Variants in FANCM observed in about 807,000 individuals in gnomAD.
The protein encoded by FANCM is FA complementation group M.
In FANCM, 140 loss-of-function variants were observed where a neutral mutation model predicts 199.5. The ratio of observed to expected loss-of-function variants is 0.70; its 90% CI spans 0.61 to 0.81. FANCM has a LOEUF of 0.81. Among genes scored for constraint, FANCM ranks in the 30% least tolerant of loss-of-function variants. The probability of loss-of-function intolerance (pLI) is 0.00; values close to 1 mark genes in which losing one functional copy is unlikely to be tolerated. For synonymous variants in FANCM, 840 were observed against 836.8 expected, an observed-to-expected ratio of 1.00 and a Z score of -0.07; for missense variants, 2,410 against 2,421.4, an observed-to-expected ratio of 1.00 and a Z score of 0.10.
chr14:45,196,196 A>G lies in FANCM; in HGVS notation c.5365A>G (p.Ser1789Gly), dbSNP rs1434227704. ...GGATGGTAGTGCTTTGGAGGATTCT[A>G]GCACTTCAGGGGCATCCTGTTCCAA... ...QKDGSALEDS[S>G]TSGASCSKSR... The change falls in exon 21 of 23, where the codon AGC becomes GGC. Residue 1789 changes from serine (S) to glycine (G), a missense_variant. Coordinates refer to ENST00000267430, the MANE Select transcript of FANCM (RefSeq NM_020937.4). 1 of 1,614,180 alleles carries G rather than the reference A, an allele frequency of 6.2e-7. No individual in the cohort carries two copies. Among genetic ancestry groups the G allele is most frequent in the Non-Finnish European group, 8.5e-7 (1 of 1,180,000 alleles).
At chr14:45,195,849 C>T (rs1758432145) in intron 20 of FANCM, among the ~76,000 whole-genome samples, 1 of 152,062 alleles carries the variant, frequency 6.6e-6, no homozygotes, top group South Asian at 2.1e-4. Context: ...AAGGTTATTT[C>T]ACCTTCCATT....
At position 45,176,774 on chromosome 14, in the gene FANCM, A is replaced by G; in HGVS notation, c.4020A>G (p.Pro1340=). 6.2e-7 allele frequency: 1 copy of G among 1,611,220 alleles called. No individual in the cohort carries two copies. The highest frequency in any genetic ancestry group is 8.5e-7 in the Non-Finnish European group (1 of 1,178,552). The change falls in exon 14 of 23, where the codon CCA becomes CCG. Residue 1340 remains proline (P), a synonymous_variant. Coordinates refer to ENST00000267430, the MANE Select transcript of FANCM (RefSeq NM_020937.4). ...TGCAAAAAAAAGTTATGAGTACACC[A>G]CTCTCTAAATCAAACACATTGAACT... ...LPVQKKVMST[P]LSKSNTLNSF...
chr14:45,169,818 A>G (rs559227557), intron 11 of FANCM, among the ~76,000 whole-genome samples: 1 of 152,366 alleles, frequency 6.6e-6, no homozygotes, highest in East Asian at 1.9e-4. Flanking sequence ...GAAGCTGAAA[A>G]GAATGAATAT....
At chr14:45,148,001 G>C (rs908400910) in intron 3 of FANCM, among the ~76,000 whole-genome samples, 9 of 151,874 alleles carry the variant, frequency 5.9e-5, no homozygotes, top group African/African-American at 1.7e-4. Context: ...TTCGAGACCA[G>C]CCTGGCCAAC....
At chr14:45,171,504 A>C (rs927357459) in intron 12 of FANCM, among the ~76,000 whole-genome samples, 4 of 152,086 alleles carry the variant, frequency 2.6e-5, no homozygotes, top group Non-Finnish European at 4.4e-5. Context: ...TCCACGACAG[A>C]GTCCATTATA....
chr14:45,152,241 G>C (rs948924275), intron 5 of FANCM, among the ~76,000 whole-genome samples: 3 of 151,978 alleles, frequency 2.0e-5, no homozygotes, highest in African/African-American at 7.2e-5. Flanking sequence ...TGTTGGCCGG[G>C]CTGGTCTCGA....
chr14:45,156,791 G>A (rs1887219976), intron 8 of FANCM, among the ~76,000 whole-genome samples: 1 of 151,874 alleles, frequency 6.6e-6, no homozygotes, highest in Non-Finnish European at 1.5e-5. Flanking sequence ...GGTGGTATGT[G>A]CCTGTAGTCT....
Position 45,167,089 on chromosome 14 carries a change from C to G in FANCM, c.1928C>G (p.Thr643Arg). 6.2e-7 allele frequency: 1 copy of G among 1,613,328 alleles called. No homozygotes were observed. ...CCAAAATTACACAAAATGTTCATCA[C>G]ACATGGTGTCTATGAACCAGAGAAG... ...INPKLHKMFI[T>R]HGVYEPEKPS... Residue 643 changes from threonine (T) to arginine (R), a missense_variant, in exon 11 of 23, where the codon ACA (threonine) becomes AGA (arginine). Thr to Arg is a moderately conservative substitution (Grantham distance 71, BLOSUM62 -1). Transcript: ENST00000267430.
intron 2 of FANCM, 37 bp from the exon 3 acceptor site, chr14:45,140,595 T>C (rs1183733207): frequency 1.8e-6 from 2 of 1,102,376 alleles, no homozygotes; most frequent in East Asian, 2.4e-5. Flanking sequence ...ATTTTTGCAT[T>C]GAACAGATGA....
At chr14:45,154,325 C>T (rs555334829) in intron 6 of FANCM, among the ~76,000 whole-genome samples, 5 of 151,030 alleles carry the variant, frequency 3.3e-5, no homozygotes, top group Non-Finnish European at 7.4e-5. Flanking sequence ...CGCTTGAACC[C>T]GAGAGGCAGA....
chr14:45,186,475 A>G (rs1889407656), intron 18 of FANCM, among the ~76,000 whole-genome samples: 1 of 152,228 alleles, frequency 6.6e-6, no homozygotes, highest in African/African-American at 2.4e-5. Context: ...TCAGTATTCT[A>G]ATCTTTCACA....
chr14:45,162,376 A>T (rs566601718), intron 9 of FANCM, among the ~76,000 whole-genome samples: 1 of 152,324 alleles, frequency 6.6e-6, no homozygotes, highest in African/African-American at 2.4e-5. Context: ...CAAACTATTG[A>T]AACTGGTAGA....
At chr14:45,151,012 T>C (rs1886780219) in intron 4 of FANCM, among the ~76,000 whole-genome samples, 1 of 152,228 alleles carries the variant, frequency 6.6e-6, no homozygotes, top group African/African-American at 2.4e-5. Context: ...TCTACAAATA[T>C]CTGCTGAGGA....
chr14:45,167,635 T>C (rs973563532), intron 11 of FANCM, among the ~76,000 whole-genome samples: 3 of 152,200 alleles, frequency 2.0e-5, no homozygotes, highest in Non-Finnish European at 2.9e-5. Context: ...CTTCATAGTT[T>C]ATCCCATATT....
At chr14:45,157,911 T>C (rs150343407) in intron 8 of FANCM, among the ~76,000 whole-genome samples, 344 of 152,212 alleles carry the variant, frequency 2.3e-3, no homozygotes, top group African/African-American at 8.0e-3. Context: ...TAAAAATCAG[T>C]AGAGGTTGGA....
At position 45,136,429 on chromosome 14, in the gene FANCM, C is replaced by T. The variant is rs139382920; in HGVS notation, c.398C>T (p.Pro133Leu). ...VVMYNFYRWF[P>L]SGKVVFMAPT... ...ATGTACAATTTCTACCGCTGGTTCC[C>T]TTCAGGAAAGGTGGTCTTCATGGCC... Residue 133 changes from proline (P) to leucine (L), a missense_variant, in exon 1 of 23, where the codon CCT becomes CTT. By Grantham distance (98) the Pro-to-Leu change is moderately conservative. Transcript: ENST00000267430. 1 of 1,614,200 alleles carries T rather than the reference C, an allele frequency of 6.2e-7. No individual in the cohort carries two copies. The highest frequency in any genetic ancestry group is 2.2e-5 in the East Asian group (1 of 44,880).
chr14:45,185,300 G>C lies in FANCM; in HGVS notation c.4599G>C (p.Glu1533Asp). The C allele has an allele frequency of 1.9e-6, 3 of 1,596,772 alleles. No homozygotes were observed. The highest frequency in any genetic ancestry group is 1.1e-5 in the South Asian group (1 of 89,460). Residue 1533 changes from glutamate (E) to aspartate (D), a missense_variant, in exon 18 of 23, where the codon GAG becomes GAC. Physicochemically the swap from Glu to Asp is conservative, Grantham distance 45 (BLOSUM62 2). Transcript: ENST00000267430. ...AEYVSSDEND[E>D]SENEQDSSLL... Reference sequence around the variant, plus strand: ...ATGTTTCATCAGATGAAAATGATGAGTCAGAAAATGAACAAGATTCCTCAT... The same window carrying C: ...ATGTTTCATCAGATGAAAATGATGACTCAGAAAATGAACAAGATTCCTCAT...
At chr14:45,187,959 T>TC in intron 19 of FANCM, 72 bp downstream of exon 19, 2 of 805,742 alleles carry the variant, frequency 2.5e-6, no homozygotes, top group South Asian at 2.9e-5. Flanking sequence ...TAGTGAAGCC[T>TC]CCATTTTGTT....
intron 3 of FANCM, among the ~76,000 whole-genome samples, chr14:45,147,965 A>G (rs1011186571): frequency 1.2e-4 from 18 of 151,876 alleles, no homozygotes; most frequent in Non-Finnish European, 2.1e-4. Context: ...TGGGAGGCCA[A>G]GGTGGGCGAA....
Sources: allele counts gnomAD v4.1 joint callset (sites outside exome capture counted in the v4.1 genomes callset), GRCh38; gene constraint gnomAD v4.1.1; transcripts MANE v1.5; gene names NCBI Gene and HGNC (gene_info 2026-07-23, HGNC 2026-07-21).